FOXP1: variants seen among roughly 807,000 people sequenced by gnomAD.
FOXP1 encodes forkhead box protein P1.
A neutral mutation model predicts 98.2 loss-of-function variants in FOXP1; 15 were observed. The ratio of observed to expected loss-of-function variants is 0.15; its 90% CI spans 0.10 to 0.24. FOXP1 has a LOEUF of 0.24. FOXP1 is among the 10% of genes least tolerant of loss of function. The pLI is 1.00. For synonymous variants in FOXP1, 371 were observed against 314.5 expected, an observed-to-expected ratio of 1.18 and a Z score of -1.90; for missense variants, 633 against 848.5, an observed-to-expected ratio of 0.75 and a Z score of 3.15.
At chr3:71,523,364 C>T (rs1262004558) in intron 2 of FOXP1, among the ~76,000 whole-genome samples, 1 of 152,126 alleles carries the variant, frequency 6.6e-6, no homozygotes, top group Non-Finnish European at 1.5e-5. Context: ...ACGTAGTAAG[C>T]TATGTGTTTC....
chr3:71,576,919 A>G (rs925170466), intron 2 of FOXP1, among the ~76,000 whole-genome samples: 3 of 152,210 alleles, frequency 2.0e-5, no homozygotes, highest in South Asian at 4.1e-4. Flanking sequence ...GTCCCATAAA[A>G]TAACTACCGA....
chr3:71,316,188 G>A (rs576998969), intron 4 of FOXP1, among the ~76,000 whole-genome samples: 27 of 152,212 alleles, frequency 1.8e-4, no homozygotes, highest in African/African-American at 6.0e-4. Context: ...TGCTACAGAC[G>A]GGTCGCCTGA....
chr3:71,368,034 C>CTA (rs2079040557), intron 3 of FOXP1, among the ~76,000 whole-genome samples: 2 of 152,204 alleles, frequency 1.3e-5, no homozygotes, highest in South Asian at 4.1e-4. Context: ...GGACTGCATG[C>CTA]TACAGCTGGA....
intron 11 of FOXP1, among the ~76,000 whole-genome samples, chr3:71,029,141 A>G (rs2046520700): frequency 6.6e-6 from 1 of 152,198 alleles, no homozygotes; most frequent in African/African-American, 2.4e-5. Context: ...TGGCAAGTAT[A>G]GAAGTACTCT....
intron 5 of FOXP1, chr3:71,244,900 A>C (rs1200053542): frequency 6.6e-6 from 1 of 151,760 alleles, no homozygotes; most frequent in Non-Finnish European, 1.5e-5. Flanking sequence ...CTCATGAGAT[A>C]TGTATGCAAA....
intron 6 of FOXP1, among the ~76,000 whole-genome samples, chr3:71,154,053 G>C (rs543321560): frequency 6.6e-6 from 1 of 151,694 alleles, no homozygotes; most frequent in East Asian, 1.9e-4. Flanking sequence ...TAACTCTATG[G>C]AATTTTGTTT....
At chr3:71,398,422 T>G (rs2081706972) in intron 3 of FOXP1, among the ~76,000 whole-genome samples, 1 of 152,226 alleles carries the variant, frequency 6.6e-6, no homozygotes, top group Non-Finnish European at 1.5e-5. Flanking sequence ...GCTGAAAACA[T>G]CGCCAGCCCT....
chr3:71,562,021 G>A (rs1468265327), intron 2 of FOXP1, among the ~76,000 whole-genome samples: 1 of 152,100 alleles, frequency 6.6e-6, no homozygotes, highest in Non-Finnish European at 1.5e-5. Flanking sequence ...TAGACAAAAA[G>A]GAAAAAGGGC....
chr3:71,338,719 A>G (rs1212769346), intron 4 of FOXP1, among the ~76,000 whole-genome samples: 1 of 152,184 alleles, frequency 6.6e-6, no homozygotes, highest in Admixed American at 6.5e-5. Flanking sequence ...TGCCTGGCCA[A>G]TATTTTTCTT....
At chr3:71,530,452 C>A (rs1178810845) in intron 2 of FOXP1, among the ~76,000 whole-genome samples, 5 of 152,150 alleles carry the variant, frequency 3.3e-5, no homozygotes, top group Non-Finnish European at 1.5e-5. Context: ...TATTAATGAT[C>A]CAGTCTGTGG....
At chr3:71,479,745 T>C (rs1005066655) in intron 3 of FOXP1, among the ~76,000 whole-genome samples, 6 of 149,994 alleles carry the variant, frequency 4.0e-5, no homozygotes, top group Non-Finnish European at 3.0e-5. Context: ...ATAAACTACA[T>C]CATTTCTTGG....
intron 2 of FOXP1, among the ~76,000 whole-genome samples, chr3:71,568,381 C>A (rs533563035): frequency 1.8e-4 from 27 of 152,206 alleles, no homozygotes; most frequent in Admixed American, 2.0e-4. Context: ...GAGGAAGAAC[C>A]CTTGGTGCAG....
At chr3:71,154,873 T>A (rs535269561) in intron 6 of FOXP1, among the ~76,000 whole-genome samples, 2 of 152,208 alleles carry the variant, frequency 1.3e-5, no homozygotes, top group African/African-American at 4.8e-5. Flanking sequence ...AAAGGGTGGG[T>A]TGTTTGTTTT....
intron 4 of FOXP1, among the ~76,000 whole-genome samples, chr3:71,316,613 G>A (rs1476718397): frequency 1.3e-5 from 2 of 151,896 alleles, no homozygotes; most frequent in South Asian, 4.2e-4. Context: ...CCCGGATGTA[G>A]GCCTGTACAA....
intron 14 of FOXP1, among the ~76,000 whole-genome samples, chr3:70,978,743 A>AATC (rs1288891844): frequency 2.0e-5 from 3 of 152,152 alleles, no homozygotes; most frequent in Non-Finnish European, 4.4e-5. Flanking sequence ...TCAATCAATC[A>AATC]ATCAGTTGGC....
chr3:71,245,390 CCTT>C (rs1231659349), intron 5 of FOXP1: 1 of 151,644 alleles, frequency 6.6e-6, no homozygotes, highest in Non-Finnish European at 1.5e-5. Context: ...CCCTCCTCCT[CCTT>C]TTTTTTTTCA....
intron 5 of FOXP1, among the ~76,000 whole-genome samples, chr3:71,201,060 C>T (rs1040646650): frequency 2.6e-5 from 4 of 152,194 alleles, no homozygotes; most frequent in African/African-American, 9.7e-5. Flanking sequence ...AGCTGATTCA[C>T]TCTCATTTTT....
At chr3:71,260,423 A>G (rs747230326) in intron 5 of FOXP1, among the ~76,000 whole-genome samples, 4 of 152,188 alleles carry the variant, frequency 2.6e-5, no homozygotes, top group Admixed American at 1.3e-4. Flanking sequence ...ACTATTTCAC[A>G]TGGTAGTGCT....
chr3:71,229,971 T>C (rs880543), intron 5 of FOXP1, among the ~76,000 whole-genome samples: 51,179 of 151,828 alleles, frequency 0.34, 8,805 homozygotes, highest in African/African-American at 0.38. Flanking sequence ...AAGCTCAGAT[T>C]ATCTCAGTGG....
Sources: allele counts gnomAD v4.1 joint callset (sites outside exome capture counted in the v4.1 genomes callset), GRCh38; gene constraint gnomAD v4.1.1; transcripts MANE v1.5; gene names NCBI Gene and HGNC (gene_info 2026-07-23, HGNC 2026-07-21).